The following LRP1B variants were observed in gnomAD, a reference collection of about 807,000 sequenced individuals.
LRP1B encodes low-density lipoprotein receptor-related protein 1B.
In LRP1B, 217 loss-of-function variants were observed where a neutral mutation model predicts 556.6. The ratio of observed to expected loss-of-function variants is 0.39; its 90% CI spans 0.35 to 0.44. LRP1B has a LOEUF of 0.44. Ranked by LOEUF, LRP1B falls within the 20% of genes least tolerant of loss-of-function variation. The pLI, the probability that LRP1B is intolerant of heterozygous loss-of-function variation, is 1.00. For missense variants in LRP1B, 5,053 were observed against 5,620.8 expected, an observed-to-expected ratio of 0.90 and a Z score of 3.23; for synonymous variants, 2,047 against 1,865.8, an observed-to-expected ratio of 1.10 and a Z score of -2.50.
chr2:141,891,528 G>C (rs1699290092), intron 1 of LRP1B, among the ~76,000 whole-genome samples: 1 of 151,918 alleles, frequency 6.6e-6, no homozygotes, highest in Admixed American at 6.6e-5. Flanking sequence ...AATGAAACAA[G>C]GTAAGATTTT....
At chr2:141,771,227 A>G (rs1400292936) in intron 2 of LRP1B, among the ~76,000 whole-genome samples, 3 of 152,128 alleles carry the variant, frequency 2.0e-5, no homozygotes, top group African/African-American at 7.2e-5. Context: ...TCATCCTTTA[A>G]AACCTTAAGT....
In LRP1B at chr2:140,821,437, GC is replaced by G. The variant is rs540857957; in HGVS notation, c.5210-7632del. 1.8e-3 allele frequency among the ~76,000 whole-genome samples: 269 copies of G among 152,202 alleles called. 2 individuals carry two copies. Among genetic ancestry groups the G allele is most frequent in the Admixed American group, 3.4e-3 (52 of 15,278 alleles). On this transcript the variant is annotated intron_variant, in intron 31 of 90. Transcript: ENST00000389484. ...AGATGTGCAGTCTTAAATGGAATGT[GC>G]TTCCTACATAATAAAAGTGATTGTG...
intron 2 of LRP1B, among the ~76,000 whole-genome samples, chr2:141,529,886 T>G (rs770844323): frequency 1.2e-4 from 19 of 152,134 alleles, no homozygotes; most frequent in Non-Finnish European, 2.2e-4. Flanking sequence ...AACCACATAC[T>G]GTTTATGTGG....
chr2:140,514,170 A>G (rs1414870665), intron 51 of LRP1B, among the ~76,000 whole-genome samples: 3 of 152,020 alleles, frequency 2.0e-5, no homozygotes, highest in Non-Finnish European at 2.9e-5. Context: ...TTAATATCAT[A>G]TAAAATAGCC....
At position 140,514,758 on chromosome 2, in the gene LRP1B, A is replaced by C; in HGVS notation, c.8164T>G (p.Trp2722Gly). The C allele has an allele frequency of 6.2e-7, 1 of 1,610,590 alleles. No individual in the cohort carries two copies. Among genetic ancestry groups the C allele is most frequent in the Non-Finnish European group, 8.5e-7 (1 of 1,177,914 alleles). The change falls in exon 51 of 91, where the codon TGG becomes GGG. Residue 2722 changes from tryptophan (W) to glycine (G), a missense_variant. Trp to Gly is a radical substitution (Grantham distance 184). Coordinates refer to ENST00000389484, the MANE Select transcript of LRP1B (RefSeq NM_018557.3). ...DEFHCDSSCS[W>G]NQFACSAQKC... ...TGTGCGGAACAAGCAAATTGGTTCCAAGAGCAAGAAGAATCTAGGAAACAA... is the reference window on the plus strand; with the variant it reads ...TGTGCGGAACAAGCAAATTGGTTCCCAGAGCAAGAAGAATCTAGGAAACAA...
intron 1 of LRP1B, among the ~76,000 whole-genome samples, chr2:142,012,236 TCACA>T (rs1702979503): frequency 6.6e-6 from 1 of 152,136 alleles, no homozygotes; most frequent in Admixed American, 6.5e-5. Flanking sequence ...TTGATATTGT[TCACA>T]CAAAGTCAAA....
intron 84 of LRP1B, among the ~76,000 whole-genome samples, chr2:140,295,902 T>G (rs1683582539): frequency 6.6e-6 from 1 of 152,026 alleles, no homozygotes; most frequent in Non-Finnish European, 1.5e-5. Context: ...TTAGTAATAA[T>G]CCAGGCAAGA....
chr2:140,595,102 A>ATATC (rs1682383506), intron 43 of LRP1B, among the ~76,000 whole-genome samples: 1 of 56,276 alleles, frequency 1.8e-5, no homozygotes, highest in Non-Finnish European at 3.5e-5. Context: ...ATATATATAT[A>ATATC]TATATATATA....
At chr2:140,690,140 A>G (rs1434331517) in intron 41 of LRP1B, among the ~76,000 whole-genome samples, 3 of 152,250 alleles carry the variant, frequency 2.0e-5, no homozygotes, top group Non-Finnish European at 4.4e-5. Context: ...ACCTGAAAAA[A>G]AAACCTTTAT....
At chr2:141,259,542 A>G (rs560028470) in intron 3 of LRP1B, among the ~76,000 whole-genome samples, 1 of 152,198 alleles carries the variant, frequency 6.6e-6, no homozygotes, top group South Asian at 2.1e-4. Flanking sequence ...CTTGTCAGCC[A>G]TCTGGGTGCA....
intron 1 of LRP1B, among the ~76,000 whole-genome samples, chr2:141,885,049 A>C (rs182097509): frequency 7.0e-4 from 106 of 152,312 alleles, no homozygotes; most frequent in African/African-American, 2.5e-3. Context: ...TAAATATTCA[A>C]ATTGTTATGT....
At chr2:141,899,537 C>T (rs17768625) in intron 1 of LRP1B, among the ~76,000 whole-genome samples, 5,577 of 152,142 alleles carry the variant, frequency 0.037, 143 homozygotes, top group Middle Eastern at 0.065. Context: ...CAGGTGAGAG[C>T]TAGCTTTTGA....
intron 2 of LRP1B, among the ~76,000 whole-genome samples, chr2:141,578,586 A>G (rs1321785808): frequency 6.6e-6 from 1 of 152,132 alleles, no homozygotes; most frequent in African/African-American, 2.4e-5. Context: ...ATGAAATATT[A>G]GAAATGTTCC....
At chr2:140,545,736 T>C (rs904562456) in intron 43 of LRP1B, among the ~76,000 whole-genome samples, 1 of 152,168 alleles carries the variant, frequency 6.6e-6, no homozygotes, top group African/African-American at 2.4e-5. Flanking sequence ...ACCTTGACTA[T>C]TTGGGCATTT....
chr2:140,984,498 T>C (rs1696862265), intron 17 of LRP1B, among the ~76,000 whole-genome samples: 1 of 152,092 alleles, frequency 6.6e-6, no homozygotes, highest in East Asian at 1.9e-4. Flanking sequence ...TTGACATTCT[T>C]ATGTCACTGT....
chr2:141,235,468 C>T (rs1573692688), intron 5 of LRP1B, among the ~76,000 whole-genome samples: 1 of 152,028 alleles, frequency 6.6e-6, no homozygotes. Context: ...TTAGTGGAGG[C>T]ACAAGTTTCC....
intron 3 of LRP1B, among the ~76,000 whole-genome samples, chr2:141,304,123 A>T (rs776762380): frequency 4.0e-5 from 6 of 151,650 alleles, no homozygotes; most frequent in Admixed American, 2.0e-4. Context: ...TTGTTTCTTC[A>T]CTCTTGAGTT....
At chr2:140,988,621 G>C (rs1357315857) in intron 17 of LRP1B, among the ~76,000 whole-genome samples, 1 of 152,070 alleles carries the variant, frequency 6.6e-6, no homozygotes, top group Non-Finnish European at 1.5e-5. Flanking sequence ...AAAAGCTGGT[G>C]GTGACCAAGA....
At chr2:141,560,561 G>A (rs1281211641) in intron 2 of LRP1B, among the ~76,000 whole-genome samples, 2 of 136,504 alleles carry the variant, frequency 1.5e-5, no homozygotes, top group African/African-American at 5.7e-5. Flanking sequence ...TTAGGCCTAA[G>A]TCTAGATGAA....
Sources: gnomAD v4.1 joint callset for allele counts (sites outside exome capture counted in the v4.1 genomes callset) on GRCh38, gnomAD v4.1.1 for gene constraint, MANE v1.5 for transcripts, NCBI Gene and HGNC (gene_info 2026-07-23, HGNC 2026-07-21) for gene names.